Variants in VWA3B observed in about 807,000 individuals in gnomAD.
The protein encoded by VWA3B is von Willebrand factor A domain-containing protein 3B.
Under a neutral mutation model 158.3 loss-of-function variants are expected in VWA3B, and 138 were observed. The observed-to-expected ratio is 0.87, with a 90% CI of 0.76 to 1.00. The LOEUF (loss-of-function observed/expected upper bound fraction) is 1.00, where lower values mean the gene tolerates loss of function less well. VWA3B is among the 50% of genes least tolerant of loss of function. VWA3B has a pLI of 0.00. For missense variants in VWA3B, 1,555 were observed against 1,565.1 expected (o/e 0.99, Z 0.11); for synonymous variants, 596 against 587.3 (o/e 1.01, Z -0.21).
At chr2:98,313,549 C>T (rs141574605), downstream of VWA3B, among the ~76,000 whole-genome samples, 79 of 152,314 alleles carry the variant, frequency 5.2e-4, no homozygotes, top group African/African-American at 1.7e-3. Context: ...ACTAGTGGAG[C>T]AGTTTAGAAA....
chr2:98,132,309 G>A (rs1489359003), intron 6 of VWA3B, among the ~76,000 whole-genome samples: 1 of 152,218 alleles, frequency 6.6e-6, no homozygotes, highest in African/African-American at 2.4e-5. Context: ...GACACCCCAT[G>A]GCTTCTGGTT....
chr2:98,148,405 C>T (rs531415211), intron 7 of VWA3B, among the ~76,000 whole-genome samples: 8 of 152,156 alleles, frequency 5.3e-5, no homozygotes, highest in Admixed American at 6.6e-5. Flanking sequence ...CTTTTACTTG[C>T]GGGGGTCTTG....
intron 7 of VWA3B, among the ~76,000 whole-genome samples, chr2:98,136,473 C>T (rs940578344): frequency 3.9e-5 from 6 of 152,196 alleles, no homozygotes; most frequent in South Asian, 2.1e-4. Flanking sequence ...GCTGGGGAAT[C>T]GAAGATCAAG....
At chr2:98,209,469 A>G (rs1683315852) in intron 12 of VWA3B, among the ~76,000 whole-genome samples, 1 of 152,006 alleles carries the variant, frequency 6.6e-6, no homozygotes, top group South Asian at 2.1e-4. Flanking sequence ...TTTAGTAGAG[A>G]CAGTGTTTCA....
chr2:98,163,536 CAAA>C (rs1042980867), intron 8 of VWA3B, among the ~76,000 whole-genome samples: 4 of 145,820 alleles, frequency 2.7e-5, no homozygotes, highest in African/African-American at 1.1e-4. Context: ...GACTCTGTCT[CAAA>C]AACAACAACA....
chr2:98,108,391 G>T (rs961313574), intron 2 of VWA3B, among the ~76,000 whole-genome samples: 4 of 152,176 alleles, frequency 2.6e-5, no homozygotes, highest in Non-Finnish European at 5.9e-5. Flanking sequence ...TGATGGTGTT[G>T]AGTATCCTTC....
At position 98,236,739 on chromosome 2, in the gene VWA3B, A is replaced by G. The variant is rs1218679200; in HGVS notation, c.2673+9A>G. The G allele has an allele frequency of 3.1e-6, 5 of 1,609,862 alleles. No homozygotes were observed. Among genetic ancestry groups the G allele is most frequent in the Non-Finnish European group, 4.2e-6 (5 of 1,178,748 alleles). Reference sequence around the variant, plus strand: ...CTAAGGTCTTTGATGAGGTAAACTGATTGTCTATACGTCCCTACTTGAGGC... The same window carrying G: ...CTAAGGTCTTTGATGAGGTAAACTGGTTGTCTATACGTCCCTACTTGAGGC... On this transcript the variant is annotated intron_variant, in intron 19 of 27. Coordinates refer to ENST00000477737, the MANE Select transcript of VWA3B (RefSeq NM_144992.5).
intron 19 of VWA3B, among the ~76,000 whole-genome samples, chr2:98,239,797 G>A (rs1240860348): frequency 6.6e-6 from 1 of 150,970 alleles, no homozygotes; most frequent in East Asian, 1.9e-4. Flanking sequence ...GCCTGTAGTC[G>A]CAGCTACTCG....
intron 2 of VWA3B, among the ~76,000 whole-genome samples, chr2:98,097,496 G>A (rs1281856148): frequency 3.3e-5 from 5 of 152,164 alleles, no homozygotes; most frequent in African/African-American, 1.2e-4. Context: ...CCACTCATTG[G>A]TTGATGGGCA....
chr2:98,320,611 G>A, the VWA3B span, among the ~76,000 whole-genome samples: 1 of 152,340 alleles, frequency 6.6e-6, no homozygotes, highest in South Asian at 2.1e-4. Context: ...TGAGGAAATT[G>A]TTGGGAACTG....
At chr2:98,318,325 G>A in the VWA3B span, among the ~76,000 whole-genome samples, 7 of 152,224 alleles carry the variant, frequency 4.6e-5, no homozygotes, top group South Asian at 8.3e-4. Flanking sequence ...TAACCCAAAT[G>A]CCCATCAATG....
intron 21 of VWA3B, among the ~76,000 whole-genome samples, chr2:98,262,201 C>T (rs1007546741): frequency 3.5e-4 from 53 of 151,888 alleles, no homozygotes; most frequent in South Asian, 8.3e-4. Flanking sequence ...TTATGATTTG[C>T]ATACACTTTC....
intron 26 of VWA3B, among the ~76,000 whole-genome samples, chr2:98,306,161 C>T (rs890914557): frequency 2.0e-5 from 3 of 152,182 alleles, no homozygotes; most frequent in East Asian, 1.9e-4. Context: ...TGAGCTCAAA[C>T]GTCAACACCA....
chr2:98,124,329 G>C (rs1675195893), intron 5 of VWA3B, among the ~76,000 whole-genome samples: 1 of 152,240 alleles, frequency 6.6e-6, no homozygotes, highest in African/African-American at 2.4e-5. Flanking sequence ...TTTGTGACTT[G>C]AAGTGAGATG....
At chr2:98,208,151 C>T (rs1683173296) in intron 12 of VWA3B, among the ~76,000 whole-genome samples, 1 of 151,602 alleles carries the variant, frequency 6.6e-6, no homozygotes, top group African/African-American at 2.4e-5. Context: ...GTGTTAAAGT[C>T]TACTTTATAT....
intron 21 of VWA3B, among the ~76,000 whole-genome samples, chr2:98,259,421 A>G (rs932915011): frequency 6.6e-6 from 1 of 151,702 alleles, no homozygotes; most frequent in African/African-American, 2.4e-5. Flanking sequence ...TATGCAAAGT[A>G]TTTAATTGTT....
intron 2 of VWA3B, among the ~76,000 whole-genome samples, chr2:98,098,264 G>A (rs1682850491): frequency 6.6e-6 from 1 of 152,116 alleles, no homozygotes; most frequent in Non-Finnish European, 1.5e-5. Flanking sequence ...AACATTTTCT[G>A]GTTGATTTTC....
At chr2:98,279,838 G>T (rs1488667793) in intron 22 of VWA3B, among the ~76,000 whole-genome samples, 2 of 152,164 alleles carry the variant, frequency 1.3e-5, no homozygotes, top group Non-Finnish European at 2.9e-5. Context: ...TTCCCTGGGG[G>T]CCAGCCTCTG....
the VWA3B span, among the ~76,000 whole-genome samples, chr2:98,327,554 C>T: frequency 6.6e-6 from 1 of 152,240 alleles, no homozygotes; most frequent in South Asian, 2.1e-4. Flanking sequence ...TCAGTTAATT[C>T]CAGTTGAAGA....
Sources: gnomAD v4.1 joint callset for allele counts (sites outside exome capture counted in the v4.1 genomes callset) on GRCh38, gnomAD v4.1.1 for gene constraint, MANE v1.5 for transcripts, NCBI Gene and HGNC (gene_info 2026-07-23, HGNC 2026-07-21) for gene names.